Variants in SYT9 observed in about 807,000 individuals in gnomAD.
SYT9 encodes the protein synaptotagmin-9.
A neutral mutation model predicts 48.4 loss-of-function variants in SYT9; 22 were observed. That is an observed-to-expected ratio of 0.45 (90% CI 0.32 to 0.65). SYT9 has a LOEUF of 0.65. Among genes scored for constraint, SYT9 ranks in the 30% least tolerant of loss-of-function variants. SYT9 has a pLI of 0.03. For synonymous variants in SYT9, 265 were observed against 245.0 expected (o/e 1.08, Z -0.76); for missense variants, 577 against 622.0 (o/e 0.93, Z 0.77).
chr11:7,332,418 A>AT (rs1286730527), intron 3 of SYT9, among the ~76,000 whole-genome samples: 1 of 152,230 alleles, frequency 6.6e-6, no homozygotes, highest in African/African-American at 2.4e-5. Context: ...CCGCTAAGGA[A>AT]TGGATGCACT....
At chr11:7,315,016 T>G (rs1849215142) in intron 3 of SYT9, among the ~76,000 whole-genome samples, 1 of 152,214 alleles carries the variant, frequency 6.6e-6, no homozygotes, top group Non-Finnish European at 1.5e-5. Flanking sequence ...ATGCTCTGAT[T>G]GCCCTGTGGG....
intron 1 of SYT9, among the ~76,000 whole-genome samples, chr11:7,255,265 T>C (rs1847946719): frequency 6.6e-6 from 1 of 152,196 alleles, no homozygotes; most frequent in Non-Finnish European, 1.5e-5. Flanking sequence ...ATTATTGATA[T>C]GATTCTAGAA....
At chr11:7,384,558 A>C (rs1564884788) in intron 3 of SYT9, among the ~76,000 whole-genome samples, 1 of 152,132 alleles carries the variant, frequency 6.6e-6, no homozygotes, top group East Asian at 1.9e-4. Context: ...CACCACCTGC[A>C]CTGCTTTCTT....
At position 7,450,868 on chromosome 11, in the gene SYT9, C is replaced by T. The variant is rs1231309921; in HGVS notation, c.1468-15924C>T. On this transcript the variant is annotated intron_variant, in intron 6 of 6. Coordinates refer to ENST00000318881, the MANE Select transcript of SYT9 (RefSeq NM_175733.4). ...TGGTCAAGCGGCTTTGAAGACACAG[C>T]TATACCAGTCAGAGCACAATCAGTT... Among the ~76,000 whole-genome samples, 17 of 152,332 alleles carry T rather than the reference C, an allele frequency of 1.1e-4. No homozygotes were observed. The East Asian group carries it at 3.3e-3, about 29-fold the overall frequency.
At chr11:7,333,943 C>T (rs1207331939) in intron 3 of SYT9, among the ~76,000 whole-genome samples, 2 of 152,162 alleles carry the variant, frequency 1.3e-5, no homozygotes, top group East Asian at 3.8e-4. Context: ...GATAATTACT[C>T]ACATGTGTTA....
chr11:7,239,533 C>T (rs781237075), intron 1 of SYT9, among the ~76,000 whole-genome samples: 10 of 151,954 alleles, frequency 6.6e-5, no homozygotes, highest in South Asian at 2.1e-4. Flanking sequence ...CTCCAGGATC[C>T]GGGAAAAAAG....
intron 3 of SYT9, among the ~76,000 whole-genome samples, chr11:7,323,656 ATG>A (rs1057035612): frequency 9.2e-5 from 14 of 151,990 alleles, no homozygotes; most frequent in Non-Finnish European, 1.9e-4. Flanking sequence ...TGAGAGAATC[ATG>A]TGTTTTGTTC....
chr11:7,304,396 T>A (rs1358151605), intron 2 of SYT9, among the ~76,000 whole-genome samples: 1 of 152,242 alleles, frequency 6.6e-6, no homozygotes, highest in African/African-American at 2.4e-5. Context: ...GCAGCTTTCT[T>A]TAGAATGAAA....
chr11:7,421,967 T>G (rs542485662), intron 6 of SYT9, among the ~76,000 whole-genome samples: 1 of 152,190 alleles, frequency 6.6e-6, no homozygotes, highest in Non-Finnish European at 1.5e-5. Flanking sequence ...TAAAGAGAAC[T>G]GAGCCCCCGG....
At chr11:7,345,652 T>C (rs1316960724) in intron 3 of SYT9, among the ~76,000 whole-genome samples, 1 of 152,196 alleles carries the variant, frequency 6.6e-6, no homozygotes, top group Non-Finnish European at 1.5e-5. Context: ...TTGTGCTACC[T>C]GTGAGACATT....
chr11:7,267,402 C>T (rs933055203), intron 1 of SYT9, among the ~76,000 whole-genome samples: 1 of 151,674 alleles, frequency 6.6e-6, no homozygotes, highest in Non-Finnish European at 1.5e-5. Flanking sequence ...AGGTAAAAAT[C>T]GCATGGGCCA....
Position 7,418,137 on chromosome 11 carries a change from C to G in SYT9, c.1337+9C>G, listed in dbSNP as rs772992341. On this transcript the variant is annotated intron_variant, in intron 5 of 6. Transcript: ENST00000318881. ...GTCATGGACTATGACCGGTGAGATACCTGGAACTCTTTTCCAGTGCAAGTT... is the reference window on the plus strand; with the variant it reads ...GTCATGGACTATGACCGGTGAGATAGCTGGAACTCTTTTCCAGTGCAAGTT... The G allele has an allele frequency of 5.0e-6, 8 of 1,611,694 alleles. No individual in the cohort carries two copies. Among genetic ancestry groups the G allele is most frequent in the South Asian group, 2.2e-5 (2 of 90,700 alleles).
intron 3 of SYT9, among the ~76,000 whole-genome samples, chr11:7,338,607 C>G (rs1255124107): frequency 6.6e-6 from 1 of 151,850 alleles, no homozygotes; most frequent in East Asian, 1.9e-4. Context: ...CATTATTTAC[C>G]CCAAAGTCAT....
chr11:7,384,659 G>C (rs1850624229), intron 3 of SYT9, among the ~76,000 whole-genome samples: 2 of 152,176 alleles, frequency 1.3e-5, no homozygotes, highest in African/African-American at 4.8e-5. Context: ...TAACACTGCT[G>C]TGGGCTATCC....
At chr11:7,266,206 A>G (rs1195326307) in intron 1 of SYT9, among the ~76,000 whole-genome samples, 1 of 152,050 alleles carries the variant, frequency 6.6e-6, no homozygotes, top group Non-Finnish European at 1.5e-5. Context: ...CTCTTCTTTA[A>G]TCTGTTCCAC....
chr11:7,349,382 AACACACACACAC>A, intron 3 of SYT9, among the ~76,000 whole-genome samples: 1 of 148,270 alleles, frequency 6.7e-6, no homozygotes, highest in East Asian at 2.0e-4. Flanking sequence ...AAAATATACA[AACACACACACAC>A]ACACACACAC....
intron 1 of SYT9, among the ~76,000 whole-genome samples, chr11:7,240,490 T>C (rs960392194): frequency 6.6e-6 from 1 of 152,186 alleles, no homozygotes; most frequent in African/African-American, 2.4e-5. Context: ...ATTTTCCTCA[T>C]AAATGTCATA....
At chr11:7,359,035 G>A (rs550649179) in intron 3 of SYT9, among the ~76,000 whole-genome samples, 156 of 151,024 alleles carry the variant, frequency 1.0e-3, no homozygotes, top group Middle Eastern at 3.4e-3. Flanking sequence ...AGAGTGTGAT[G>A]TTCCCCTTCC....
At chr11:7,433,608 A>G (rs55839606) in intron 6 of SYT9, among the ~76,000 whole-genome samples, 56,042 of 151,926 alleles carry the variant, frequency 0.37, 10,510 homozygotes, top group Middle Eastern at 0.47. Context: ...GTATTAAGAG[A>G]TGGGAAACAA....
Sources: gnomAD v4.1 joint callset for allele counts (sites outside exome capture counted in the v4.1 genomes callset) on GRCh38, gnomAD v4.1.1 for gene constraint, MANE v1.5 for transcripts, NCBI Gene and HGNC (gene_info 2026-07-23, HGNC 2026-07-21) for gene names.